The following LAMC2 variants were observed in gnomAD, a reference collection of about 807,000 sequenced individuals.
LAMC2 encodes the protein laminin subunit gamma 2, also known as laminin subunit gamma-2.
A neutral mutation model predicts 140.2 loss-of-function variants in LAMC2; 97 were observed. The ratio of observed to expected loss-of-function variants is 0.69; its 90% CI spans 0.59 to 0.82. LAMC2 has a LOEUF of 0.82. Ranked by LOEUF, LAMC2 falls within the 40% of genes least tolerant of loss-of-function variation. The pLI, the probability that LAMC2 is intolerant of heterozygous loss-of-function variation, is 0.00. For synonymous variants in LAMC2, 513 were observed against 540.2 expected (o/e 0.95, Z 0.70); for missense variants, 1,402 against 1,476.1 (o/e 0.95, Z 0.82).
intron 22 of LAMC2, chr1:183,240,726 T>A: frequency 8.2e-7 from 1 of 1,215,304 alleles, no homozygotes. Flanking sequence ...GAGAAGCCAG[T>A]GGACAGTTTT....
At chr1:183,192,563 C>T (rs75782646) in intron 1 of LAMC2, among the ~76,000 whole-genome samples, 1 of 152,146 alleles carries the variant, frequency 6.6e-6, no homozygotes, top group Non-Finnish European at 1.5e-5. Flanking sequence ...TACTGTTGGT[C>T]ATAGCAGAGC....
intron 13 of LAMC2, 132 bp from the exon 14 acceptor site, chr1:183,232,520 A>G: frequency 9.2e-7 from 1 of 1,089,246 alleles, no homozygotes; most frequent in Non-Finnish European, 1.4e-6. Context: ...GATGGTGATA[A>G]AAGAATGGTT....
intron 3 of LAMC2, among the ~76,000 whole-genome samples, chr1:183,216,143 A>T (rs910157678): frequency 3.9e-5 from 6 of 152,064 alleles, no homozygotes; most frequent in Admixed American, 3.9e-4. Flanking sequence ...GCAGTGAAGC[A>T]TTGGGCATTG....
intron 1 of LAMC2, among the ~76,000 whole-genome samples, chr1:183,189,907 C>G (rs181740415): frequency 4.7e-4 from 71 of 152,276 alleles, no homozygotes; most frequent in Non-Finnish European, 6.8e-4. Flanking sequence ...TATCATAGAT[C>G]ACTAATTTGG....
chr1:183,255,062 G>A, the LAMC2 span, among the ~76,000 whole-genome samples: 1 of 152,126 alleles, frequency 6.6e-6, no homozygotes, highest in East Asian at 1.9e-4. Context: ...CTTACACTTA[G>A]GTTCTTTATC....
At chr1:183,256,372 G>T in the LAMC2 span, among the ~76,000 whole-genome samples, 3 of 152,106 alleles carry the variant, frequency 2.0e-5, no homozygotes, top group Non-Finnish European at 4.4e-5. Flanking sequence ...TTGTGCCACT[G>T]CACTCCAGCC....
At chr1:183,195,409 T>C (rs190783973) in intron 1 of LAMC2, among the ~76,000 whole-genome samples, 2 of 152,316 alleles carry the variant, frequency 1.3e-5, no homozygotes, top group African/African-American at 4.8e-5. Context: ...TTGATGACTT[T>C]GGAGTATTCA....
intron 1 of LAMC2, among the ~76,000 whole-genome samples, chr1:183,192,424 A>G (rs1054273344): frequency 6.6e-6 from 1 of 152,196 alleles, no homozygotes; most frequent in African/African-American, 2.4e-5. Flanking sequence ...ATGTTTCACC[A>G]TGTTTTTCTC....
chr1:183,235,511 C>T (rs1659926250), intron 15 of LAMC2, 64 bp from the exon 16 acceptor site: 1 of 1,589,706 alleles, frequency 6.3e-7, no homozygotes, highest in Non-Finnish European at 8.6e-7. Context: ...CTTCGTGTAA[C>T]TGAACAACCT....
At chr1:183,257,136 T>G in the LAMC2 span, among the ~76,000 whole-genome samples, 1 of 152,036 alleles carries the variant, frequency 6.6e-6, no homozygotes, top group African/African-American at 2.4e-5. Context: ...CCAGCTGTAT[T>G]TCTTTGAAGA....
rs2102153951 is a variant in LAMC2, at chr1:183,186,305, G to A, written c.-48G>A. 1 of 1,552,202 alleles carries A rather than the reference G, an allele frequency of 6.4e-7. No homozygotes were observed. The highest frequency in any genetic ancestry group is 8.7e-7 in the Non-Finnish European group (1 of 1,154,608). On this transcript the variant is annotated 5_prime_UTR_variant, in exon 1 of 23. Coordinates refer to ENST00000264144, the MANE Select transcript of LAMC2 (RefSeq NM_005562.3). ...TGAGAACCACCAACCGAGGCGCCGG[G>A]CAGCGACCCCTGCAGCGGAGACAGA...
the LAMC2 span, among the ~76,000 whole-genome samples, chr1:183,258,215 CT>C: frequency 6.6e-6 from 1 of 152,162 alleles, no homozygotes; most frequent in Non-Finnish European, 1.5e-5. Context: ...CTGTTCTCTC[CT>C]AACACAATAG....
Position 183,231,608 on chromosome 1 carries a change from C to T in LAMC2, c.1857+505C>T, listed in dbSNP as rs147979101. On this transcript the variant is annotated intron_variant, in intron 12 of 22. Transcript: ENST00000264144. Reference sequence around the variant, plus strand: ...AAGATATCAGGAGTCCAGAAAGTATCAAGGCTTCCCAAAAAGGAATGGCCT... The same window carrying T: ...AAGATATCAGGAGTCCAGAAAGTATTAAGGCTTCCCAAAAAGGAATGGCCT... Among the ~76,000 whole-genome samples the T allele has an allele frequency of 3.7e-4, 57 of 152,288 alleles. No individual in the cohort carries two copies. The East Asian group carries it at 0.01, about 27-fold the overall frequency.
Position 183,238,412 on chromosome 1 carries a change from A to C in LAMC2, c.2860A>C (p.Asn954His). The change falls in exon 19 of 23, where the codon AAC (asparagine) becomes CAC (histidine). Residue 954 changes from asparagine (N) to histidine (H), a missense_variant. Physicochemically the swap from Asn to His is moderately conservative, Grantham distance 68. This residue lies in a region of LAMC2 where 670 missense variants were observed against 667.2 expected (regional missense o/e 1.00). Transcript: ENST00000264144. ...TTATGAAGTTGAGAGCATCCTTAAA[A>C]ACCTCAGAGGTTAGTACTTCATGGT... is the stretch of plus-strand genomic sequence containing the variant. Reference protein sequence around the residue: ...TFYEVESILKNLREFDLQVDN... With the variant: ...TFYEVESILKHLREFDLQVDN... The C allele has an allele frequency of 6.2e-7, 1 of 1,608,852 alleles. No individual in the cohort carries two copies.
chr1:183,207,542 C>G (rs1020302214), intron 1 of LAMC2, among the ~76,000 whole-genome samples: 2 of 152,192 alleles, frequency 1.3e-5, no homozygotes, highest in East Asian at 3.8e-4. Flanking sequence ...AAATGAACTC[C>G]TTGCAAACAT....
At chr1:183,252,195 G>A in the LAMC2 span, 1 of 164,452 alleles carries the variant, frequency 6.1e-6, no homozygotes, top group Admixed American at 6.1e-5. Flanking sequence ...TGTAGTAAAG[G>A]GCATGCTGGG....
In LAMC2 at chr1:183,236,573, G is replaced by C. The variant is rs144908769; in HGVS notation, c.2570G>C (p.Arg857Pro). The C allele has an allele frequency of 5.6e-3, 9,080 of 1,614,086 alleles. 40 individuals carry two copies. The highest frequency in any genetic ancestry group is 6.9e-3 in the Non-Finnish European group (8,160 of 1,180,010). The change falls in exon 17 of 23, where the codon CGG (arginine) becomes CCG (proline). Residue 857 changes from arginine (R) to proline (P), a missense_variant. Transcript: ENST00000264144. ...CTCCGCCTCCTGGATTCAGTGTCTC[G>C]GCTTCAGGGAGTCAGTGATCAGTCC... ...HSLRLLDSVS[R>P]LQGVSDQSFQ...
At chr1:183,252,365 C>T in the LAMC2 span, 2 of 429,310 alleles carry the variant, frequency 4.7e-6, no homozygotes, top group African/African-American at 2.0e-5. Flanking sequence ...TGCTGGGAGA[C>T]GGACACCAGT....
Position 183,234,413 on chromosome 1 carries a change from G to A in LAMC2, c.2267G>A (p.Ser756Asn), listed in dbSNP as rs1456234103. 1 of 1,614,154 alleles carries A rather than the reference G, an allele frequency of 6.2e-7. No homozygotes were observed. Among genetic ancestry groups the A allele is most frequent in the South Asian group, 1.1e-5 (1 of 91,070 alleles). Residue 756 changes from serine to asparagine, a missense_variant, in exon 15 of 23, where the codon AGT becomes AAT. Transcript: ENST00000264144. ...TACGTGGGGCCAAATGGCTTTAAAA[G>A]TCTGGCTCAGGAGGCCACAAGATTA... ...DHYVGPNGFK[S>N]LAQEATRLAE... is the part of the protein sequence containing the mutation.
Sources: allele counts gnomAD v4.1 joint callset (sites outside exome capture counted in the v4.1 genomes callset), GRCh38; gene constraint gnomAD v4.1.1; regional missense constraint gnomAD v4.1.1; transcripts MANE v1.5; gene names NCBI Gene and HGNC (gene_info 2026-07-23, HGNC 2026-07-21).